CACNG3: variants seen among roughly 807,000 people sequenced by gnomAD.
CACNG3 encodes the protein calcium voltage-gated channel auxiliary subunit gamma 3.
Under a neutral mutation model 28.5 loss-of-function variants are expected in CACNG3, and 3 were observed. That is an observed-to-expected ratio of 0.11 (90% CI 0.05 to 0.27). The LOEUF (loss-of-function observed/expected upper bound fraction) is 0.27, where lower values mean the gene tolerates loss of function less well. Ranked by LOEUF, CACNG3 falls within the 10% of genes least tolerant of loss-of-function variation. The probability of loss-of-function intolerance (pLI) is 1.00; values close to 1 mark genes in which losing one functional copy is unlikely to be tolerated. For missense variants in CACNG3, 236 were observed against 414.4 expected (o/e 0.57, Z 3.74); for synonymous variants, 174 against 162.2 (o/e 1.07, Z -0.55).
intron 1 of CACNG3, among the ~76,000 whole-genome samples, chr16:24,260,871 C>G (rs1231199978): frequency 6.6e-6 from 1 of 152,206 alleles, no homozygotes; most frequent in African/African-American, 2.4e-5. Context: ...GAGCCCTAAC[C>G]TGCTGCGTGT....
rs1267896400 is a variant in CACNG3, at chr16:24,317,604, A to C, written c.212-29130A>C. On this transcript the variant is annotated intron_variant, in intron 1 of 3. Coordinates refer to ENST00000005284, the MANE Select transcript of CACNG3 (RefSeq NM_006539.4). ...AAAGAAAGAAAGAAAGAAAGAAAGA[A>C]AGAAAGAAAGAAAGAAAGAAAGACA... 2.3e-3 allele frequency among the ~76,000 whole-genome samples: 168 copies of C among 73,984 alleles called. 1 individual carries two copies. The highest frequency in any genetic ancestry group is 8.2e-3 in the African/African-American group (126 of 15,410). The allele number at this position is 73,984 out of a possible 152,430, so 48.5% of individuals were successfully genotyped here. A position where few individuals can be genotyped will look rare whatever the true frequency, so the allele number is the denominator to read the frequency against.
intron 1 of CACNG3, among the ~76,000 whole-genome samples, chr16:24,312,955 G>GGAA: frequency 3.6e-5 from 4 of 110,882 alleles, no homozygotes; most frequent in Admixed American, 9.6e-5. Flanking sequence ...AAGAAAGAAA[G>GGAA]AGAAAGAAAG....
At chr16:24,267,766 A>G (rs1898634036) in intron 1 of CACNG3, among the ~76,000 whole-genome samples, 2 of 151,892 alleles carry the variant, frequency 1.3e-5, no homozygotes, top group African/African-American at 4.8e-5. Flanking sequence ...GCCTCCCGAG[A>G]TCAAGTGATT....
chr16:24,298,419 A>C (rs1012264685), intron 1 of CACNG3, among the ~76,000 whole-genome samples: 28 of 152,210 alleles, frequency 1.8e-4, no homozygotes, highest in Non-Finnish European at 2.4e-4. Flanking sequence ...ACATCACTGT[A>C]ATTAAATCCT....
At chr16:24,353,577 G>C (rs911090707) in intron 2 of CACNG3, among the ~76,000 whole-genome samples, 1 of 152,082 alleles carries the variant, frequency 6.6e-6, no homozygotes, top group African/African-American at 2.4e-5. Flanking sequence ...ACTCTGCTTC[G>C]ACTCCTCAGC....
chr16:24,346,299 C>T (rs1348996375), intron 1 of CACNG3, among the ~76,000 whole-genome samples: 3 of 152,082 alleles, frequency 2.0e-5, no homozygotes, highest in African/African-American at 4.8e-5. Flanking sequence ...TGACTGATCC[C>T]GTTGGCTCAT....
At chr16:24,289,002 A>T (rs1275015783) in intron 1 of CACNG3, among the ~76,000 whole-genome samples, 1 of 152,176 alleles carries the variant, frequency 6.6e-6, no homozygotes, top group Non-Finnish European at 1.5e-5. Context: ...CCCAACTGGA[A>T]GCTTTGCATG....
chr16:24,321,860 C>T (rs544645155), intron 1 of CACNG3, among the ~76,000 whole-genome samples: 2 of 152,154 alleles, frequency 1.3e-5, no homozygotes, highest in African/African-American at 2.4e-5. Flanking sequence ...ACTGTTGTTA[C>T]TCTCTTACTG....
chr16:24,346,470 T>A (rs982645366), intron 1 of CACNG3, among the ~76,000 whole-genome samples: 9 of 152,160 alleles, frequency 5.9e-5, no homozygotes, highest in Admixed American at 2.0e-4. Flanking sequence ...CCCAGCTACT[T>A]GGGAGGCTGG....
chr16:24,349,252 C>A (rs1274237382), intron 2 of CACNG3, among the ~76,000 whole-genome samples: 1 of 152,216 alleles, frequency 6.6e-6, no homozygotes, highest in Non-Finnish European at 1.5e-5. Flanking sequence ...TTGGGGTAGG[C>A]TACAGCATAA....
intron 1 of CACNG3, among the ~76,000 whole-genome samples, chr16:24,318,678 ACCT>A (rs1899419301): frequency 1.3e-5 from 2 of 151,962 alleles, no homozygotes; most frequent in South Asian, 4.1e-4. Context: ...TCAACAGGAC[ACCT>A]CCTGTTGCAG....
intron 1 of CACNG3, among the ~76,000 whole-genome samples, chr16:24,313,073 G>GAGGGAGGA (rs373092539): frequency 6.5e-5 from 9 of 138,032 alleles, no homozygotes; most frequent in Admixed American, 1.4e-4. Flanking sequence ...GCGAGGGAGG[G>GAGGGAGGA]AGGAAGGAAG....
Position 24,354,969 on chromosome 16 carries a change from T to C in CACNG3, c.432T>C (p.Ser144=), listed in dbSNP as rs1388573108. The part of the protein sequence containing the change: ...VILSAGIFFV[S]AGLSNIIGII... The stretch of plus-strand genomic sequence containing the variant: ...TCAGCGCGGGCATCTTTTTTGTCTC[T>C]GCAGGTGAGTGTCTGGCCCCAGCCC... The change falls in exon 3 of 4, where the codon TCT becomes TCC. Residue 144 remains serine, a synonymous_variant. Coordinates refer to ENST00000005284, the MANE Select transcript of CACNG3 (RefSeq NM_006539.4). The C allele has an allele frequency of 1.2e-6, 2 of 1,612,508 alleles. No individual in the cohort carries two copies. The highest frequency in any genetic ancestry group is 2.0e-4 in the Middle Eastern group (1 of 5,090).
In CACNG3 at chr16:24,355,651, A is replaced by G. The variant is rs547772685; in HGVS notation, c.436+678A>G. 1.3e-3 allele frequency among the ~76,000 whole-genome samples: 192 copies of G among 152,254 alleles called. 2 individuals carry two copies. Among genetic ancestry groups the G allele is most frequent in the African/African-American group, 4.5e-3 (187 of 41,564 alleles). On this transcript the variant is annotated intron_variant, in intron 3 of 3. Transcript: ENST00000005284. The stretch of plus-strand genomic sequence containing the variant: ...TGTGTTCACTTGGGCATGTTAATAT[A>G]CGATCTCTGGCCCTTTGGGATTTGT...
chr16:24,339,832 A>ATGAT (rs1375868004), intron 1 of CACNG3, among the ~76,000 whole-genome samples: 2 of 152,254 alleles, frequency 1.3e-5, no homozygotes, highest in African/African-American at 4.8e-5. Flanking sequence ...AATCGAGGCA[A>ATGAT]TGATGGGCAT....
At chr16:24,331,412 C>T (rs903012335) in intron 1 of CACNG3, among the ~76,000 whole-genome samples, 10 of 152,068 alleles carry the variant, frequency 6.6e-5, no homozygotes, top group African/African-American at 2.4e-4. Flanking sequence ...AAGGCAGTAC[C>T]CTCTCTCGAA....
At chr16:24,323,808 C>T (rs1465979688) in intron 1 of CACNG3, among the ~76,000 whole-genome samples, 2 of 152,186 alleles carry the variant, frequency 1.3e-5, no homozygotes, top group Non-Finnish European at 2.9e-5. Flanking sequence ...GTCACTGTGG[C>T]CCAGGATGGA....
In CACNG3 at chr16:24,362,302, T is replaced by A. The variant is rs1172423997; in HGVS notation, c.*439T>A. 6.2e-6 allele frequency: 1 copy of A among 161,872 alleles called. No individual in the cohort carries two copies. The highest frequency in any genetic ancestry group is 1.8e-4 in the East Asian group (1 of 5,500). The allele number at this position is 161,872 out of a possible 1,614,324, so 10.0% of individuals were successfully genotyped here. Reference sequence around the variant, plus strand: ...GCCCAGGTGGCCCTGAGGGAGGCATTCACCTTTATGTGTTAGAAAAACATG... The same window carrying A: ...GCCCAGGTGGCCCTGAGGGAGGCATACACCTTTATGTGTTAGAAAAACATG... On this transcript the variant is annotated 3_prime_UTR_variant, in exon 4 of 4. Coordinates refer to ENST00000005284, the MANE Select transcript of CACNG3 (RefSeq NM_006539.4).
In CACNG3 at chr16:24,317,648, A is replaced by AAAAC. The variant is rs1555460582; in HGVS notation, c.212-29083_212-29082insCAAA. ...AAAGACAGACAGAAAGAAAGAAAAG[A>AAAAC]AAAGAAAGAAAGAAAGAAAGAAAGA... is the stretch of plus-strand genomic sequence containing the variant. On this transcript the variant is annotated intron_variant, in intron 1 of 3. Transcript: ENST00000005284. 2.2e-4 allele frequency among the ~76,000 whole-genome samples: 12 copies of AAAAC among 55,720 alleles called. 1 individual carries two copies. The highest frequency in any genetic ancestry group is 3.9e-4 in the Non-Finnish European group (12 of 30,650). The allele number at this position is 55,720 out of a possible 152,430, so 36.6% of individuals were successfully genotyped here.
Sources: gnomAD v4.1 joint callset for allele counts (sites outside exome capture counted in the v4.1 genomes callset) on GRCh38, gnomAD v4.1.1 for gene constraint, MANE v1.5 for transcripts, NCBI Gene and HGNC (gene_info 2026-07-23, HGNC 2026-07-21) for gene names.